Variants in PRKCE observed in about 807,000 individuals in gnomAD.
PRKCE encodes the protein protein kinase C epsilon type.
Under a neutral mutation model 85.4 loss-of-function variants are expected in PRKCE, and 16 were observed. That is an observed-to-expected ratio of 0.19 (90% confidence interval 0.13 to 0.28). PRKCE has a LOEUF of 0.28. PRKCE is among the 10% of genes least tolerant of loss of function. The probability of loss-of-function intolerance (pLI) is 1.00; values close to 1 mark genes in which losing one functional copy is unlikely to be tolerated. For synonymous variants in PRKCE, 388 were observed against 371.5 expected (o/e 1.04, Z -0.51); for missense variants, 573 against 975.2 (o/e 0.59, Z 5.49).
intron 10 of PRKCE, among the ~76,000 whole-genome samples, chr2:46,014,605 A>G (rs565204606): frequency 6.6e-6 from 1 of 152,362 alleles, no homozygotes; most frequent in South Asian, 2.1e-4. Flanking sequence ...CTTGCTATAA[A>G]AAAATTATGG....
chr2:45,955,029 A>G (rs1279033609), intron 2 of PRKCE, among the ~76,000 whole-genome samples: 3 of 152,158 alleles, frequency 2.0e-5, no homozygotes, highest in Non-Finnish European at 2.9e-5. Flanking sequence ...TACTTTTCCT[A>G]AAGTAACTAG....
At chr2:45,760,954 A>C (rs1684421665) in intron 1 of PRKCE, among the ~76,000 whole-genome samples, 1 of 152,106 alleles carries the variant, frequency 6.6e-6, no homozygotes, top group South Asian at 2.1e-4. Context: ...GTTTATCTTA[A>C]CTGGGGCATT....
rs185976300 is a variant in PRKCE at position 46,104,927 on chromosome 2, C to A, written c.1592+18565C>A. Reference sequence around the variant, plus strand: ...GATTATAAACCTGATTGCATTTGCACAAAACAGTGGAGTTAGAATATCCCT... The same window carrying A: ...GATTATAAACCTGATTGCATTTGCAAAAAACAGTGGAGTTAGAATATCCCT... On this transcript the variant is annotated intron_variant, in intron 11 of 14. Coordinates refer to ENST00000306156, the MANE Select transcript of PRKCE (RefSeq NM_005400.3). 1.8e-4 allele frequency among the ~76,000 whole-genome samples: 28 copies of A among 152,060 alleles called. 1 individual carries two copies. The highest frequency in any genetic ancestry group is 6.7e-4 in the African/African-American group (28 of 41,494).
chr2:46,024,549 G>A lies in PRKCE; in HGVS notation c.1437+14032G>A, dbSNP rs968996562. On this transcript the variant is annotated intron_variant, in intron 10 of 14. Transcript: ENST00000306156. ...GTAATCCATTTTATCGGGAACACTT[G>A]TGTGCGGGTTGCTAGGAAGCTAAGC... is the stretch of plus-strand genomic sequence containing the variant. Among the ~76,000 whole-genome samples, 62 of 152,256 alleles carry A rather than the reference G, an allele frequency of 4.1e-4. 1 individual carries two copies. The highest frequency in any genetic ancestry group is 8.1e-4 in the Non-Finnish European group (55 of 68,024).
At chr2:45,998,137 T>C (rs939366711) in intron 6 of PRKCE, among the ~76,000 whole-genome samples, 5 of 152,146 alleles carry the variant, frequency 3.3e-5, no homozygotes. Context: ...CCGAATGAAG[T>C]TGTTGATAGA....
At chr2:45,949,666 T>G (rs1008672288) in intron 2 of PRKCE, among the ~76,000 whole-genome samples, 26 of 152,028 alleles carry the variant, frequency 1.7e-4, no homozygotes, top group African/African-American at 6.3e-4. Context: ...TAAATAAAAG[T>G]TTTTATGTTT....
intron 2 of PRKCE, among the ~76,000 whole-genome samples, chr2:45,891,841 C>T (rs1558801403): frequency 6.6e-6 from 1 of 152,212 alleles, no homozygotes; most frequent in East Asian, 1.9e-4. Flanking sequence ...ATAGCAACCA[C>T]GCTAGCCCAG....
rs1291862317 is a variant in PRKCE, at chr2:45,786,145, A to G, written c.349-56855A>G. ...GATCTTTATTTGAAATGAGCAATGT[A>G]TTATTAGCAAGGGGCATTGATTGCA... On this transcript the variant is annotated intron_variant, in intron 1 of 14. Coordinates refer to ENST00000306156, the MANE Select transcript of PRKCE (RefSeq NM_005400.3). The surrounding 1 kb of genome is among the most constrained non-coding windows in gnomAD (Gnocchi z 5.3). 1.3e-5 allele frequency among the ~76,000 whole-genome samples: 2 copies of G among 152,142 alleles called. No homozygotes were observed. Among genetic ancestry groups the G allele is most frequent in the Non-Finnish European group, 2.9e-5 (2 of 68,022 alleles).
At chr2:45,860,186 C>T (rs1693033506) in intron 2 of PRKCE, among the ~76,000 whole-genome samples, 1 of 152,224 alleles carries the variant, frequency 6.6e-6, no homozygotes, top group African/African-American at 2.4e-5. Context: ...GCCTGGCATA[C>T]AGTACCTGCT....
chr2:45,922,952 G>A (rs947433591), intron 2 of PRKCE, among the ~76,000 whole-genome samples: 4 of 152,108 alleles, frequency 2.6e-5, no homozygotes, highest in East Asian at 3.9e-4. Flanking sequence ...ATCATGTTTC[G>A]ATATCCCTGG....
intron 1 of PRKCE, among the ~76,000 whole-genome samples, chr2:45,731,697 C>T (rs940640718): frequency 8.7e-5 from 13 of 149,926 alleles, no homozygotes; most frequent in East Asian, 2.0e-4. Flanking sequence ...AAACATTGCT[C>T]CCTGCAGACT....
intron 2 of PRKCE, among the ~76,000 whole-genome samples, chr2:45,948,620 C>T (rs1448287046): frequency 2.0e-5 from 3 of 152,326 alleles, no homozygotes; most frequent in African/African-American, 7.2e-5. Flanking sequence ...GCCTGGGTGA[C>T]AGAGTGAGAC....
At chr2:46,182,045 C>G (rs745824037) in intron 14 of PRKCE, among the ~76,000 whole-genome samples, 13 of 152,088 alleles carry the variant, frequency 8.5e-5, no homozygotes, top group Non-Finnish European at 7.4e-5. Flanking sequence ...TATTCCTTGA[C>G]TCTCTTTTTC....
intron 2 of PRKCE, among the ~76,000 whole-genome samples, chr2:45,973,783 T>C (rs1702258461): frequency 1.3e-5 from 2 of 152,206 alleles, no homozygotes; most frequent in Non-Finnish European, 1.5e-5. Flanking sequence ...CTGTAAAAAG[T>C]TGGGAAATAA....
At chr2:46,160,627 T>G (rs976139972) in intron 14 of PRKCE, among the ~76,000 whole-genome samples, 2 of 152,150 alleles carry the variant, frequency 1.3e-5, no homozygotes, top group African/African-American at 4.8e-5. Context: ...GCCCCAGTGC[T>G]GTGGGGCTGT....
intron 1 of PRKCE, among the ~76,000 whole-genome samples, chr2:45,708,013 T>C (rs1369558771): frequency 1.3e-5 from 2 of 152,216 alleles, no homozygotes; most frequent in Admixed American, 1.3e-4. Context: ...GCCTCCTCGA[T>C]GGCAGGCAGT....
At chr2:45,666,652 C>T (rs1675925541) in intron 1 of PRKCE, among the ~76,000 whole-genome samples, 1 of 151,990 alleles carries the variant, frequency 6.6e-6, no homozygotes, top group Non-Finnish European at 1.5e-5. Flanking sequence ...GCTCTTTTGG[C>T]TCTTGGAATT....
At chr2:45,725,221 A>C (rs1460080588) in intron 1 of PRKCE, among the ~76,000 whole-genome samples, 2 of 152,234 alleles carry the variant, frequency 1.3e-5, no homozygotes, top group African/African-American at 4.8e-5. Context: ...ATGATAGCAC[A>C]TCTGTTTACA....
chr2:46,131,420 C>T (rs1249835042), intron 11 of PRKCE, among the ~76,000 whole-genome samples: 1 of 152,222 alleles, frequency 6.6e-6, no homozygotes. Flanking sequence ...CACCTTAGCT[C>T]AATGACACTG....
Sources: allele counts gnomAD v4.1 joint callset (sites outside exome capture counted in the v4.1 genomes callset), GRCh38; gene constraint gnomAD v4.1.1; non-coding constraint Gnocchi (gnomAD v3.1); transcripts MANE v1.5; gene names NCBI Gene and HGNC (gene_info 2026-07-23, HGNC 2026-07-21).